The following ADIPOR2 variants were observed in gnomAD, a reference collection of about 807,000 sequenced individuals.
ADIPOR2 encodes adiponectin receptor 2, also known as adiponectin receptor protein 2.
In ADIPOR2, 18 loss-of-function variants were observed where a neutral mutation model predicts 40.9. The observed-to-expected ratio is 0.44, with a 90% CI of 0.30 to 0.65. ADIPOR2 has a LOEUF of 0.65. Ranked by LOEUF, ADIPOR2 falls within the 30% of genes least tolerant of loss-of-function variation. The pLI is 0.09. For missense variants in ADIPOR2, 283 were observed against 479.2 expected, an observed-to-expected ratio of 0.59 and a Z score of 3.82; for synonymous variants, 165 against 166.4, an observed-to-expected ratio of 0.99 and a Z score of 0.06.
chr12:1,757,658 T>C, intron 2 of ADIPOR2: 1 of 1,291,784 alleles, frequency 7.7e-7, no homozygotes, highest in Non-Finnish European at 1.1e-6. Flanking sequence ...ACTTTGTATT[T>C]GGCCTCCTCA....
intron 1 of ADIPOR2, among the ~76,000 whole-genome samples, chr12:1,711,719 CCTCT>C (rs1272975482): frequency 6.6e-6 from 1 of 151,022 alleles, no homozygotes; most frequent in Non-Finnish European, 1.5e-5. Flanking sequence ...TCTGTCTCTT[CCTCT>C]CTCTCTCTTT....
chr12:1,746,632 T>G (rs185807205), intron 1 of ADIPOR2, among the ~76,000 whole-genome samples: 1 of 152,286 alleles, frequency 6.6e-6, no homozygotes, highest in Non-Finnish European at 1.5e-5. Context: ...GAAGCAAATA[T>G]TGACCTCATT....
At chr12:1,693,459 T>C (rs11061919) in intron 1 of ADIPOR2, among the ~76,000 whole-genome samples, 48,242 of 151,844 alleles carry the variant, frequency 0.32, 8,269 homozygotes, top group East Asian at 0.5. Context: ...ATTATAGAAT[T>C]TGTTGGTGAT....
intron 1 of ADIPOR2, among the ~76,000 whole-genome samples, chr12:1,729,346 A>G (rs185571311): frequency 3.6e-4 from 54 of 152,084 alleles, no homozygotes; most frequent in Non-Finnish European, 2.9e-5. Context: ...TAAAGAATAT[A>G]GTTTAAAAAT....
intron 1 of ADIPOR2, among the ~76,000 whole-genome samples, chr12:1,738,523 A>G (rs961300997): frequency 1.3e-5 from 2 of 152,094 alleles, no homozygotes; most frequent in African/African-American, 2.4e-5. Flanking sequence ...CCTTCTTCCT[A>G]TTTTTTTCTT....
At chr12:1,784,190 C>T (rs548795566) in intron 7 of ADIPOR2, 117 bp downstream of exon 7, 4 of 1,128,588 alleles carry the variant, frequency 3.5e-6, no homozygotes, top group South Asian at 3.9e-5. Context: ...GTATCCTGGT[C>T]CTAACTCCCT....
At chr12:1,779,184 T>A (rs369619924) in intron 4 of ADIPOR2, among the ~76,000 whole-genome samples, 1 of 152,206 alleles carries the variant, frequency 6.6e-6, no homozygotes, top group Non-Finnish European at 1.5e-5. Context: ...TTACCCAAGA[T>A]GACTGAAAAC....
intron 3 of ADIPOR2, among the ~76,000 whole-genome samples, chr12:1,773,578 T>C (rs888928901): frequency 1.4e-5 from 2 of 145,176 alleles, no homozygotes; most frequent in African/African-American, 5.1e-5. Flanking sequence ...TTAGAGAAAA[T>C]AGACACACTG....
chr12:1,737,571 C>T lies in ADIPOR2; in HGVS notation c.-86-16687C>T, dbSNP rs377052834. ...TGTTTGCTAATCTTCCTGTAGTTGT[C>T]ACACAGACTGACTGTTTATATATTT... On this transcript the variant is annotated intron_variant, in intron 1 of 7. Transcript: ENST00000357103. Among the ~76,000 whole-genome samples the T allele has an allele frequency of 4.6e-5, 7 of 152,092 alleles. No individual in the cohort carries two copies. The South Asian group carries it at 8.3e-4, about 18-fold the overall frequency.
At chr12:1,756,927 G>C (rs1489539269) in intron 2 of ADIPOR2, among the ~76,000 whole-genome samples, 1 of 152,202 alleles carries the variant, frequency 6.6e-6, no homozygotes, top group East Asian at 1.9e-4. Flanking sequence ...CAAGAGGGAA[G>C]AGCGGGTTTA....
chr12:1,728,856 G>A (rs1383229146), intron 1 of ADIPOR2, among the ~76,000 whole-genome samples: 1 of 151,694 alleles, frequency 6.6e-6, no homozygotes, highest in Non-Finnish European at 1.5e-5. Flanking sequence ...TACAGATATT[G>A]ATAGTCTGGT....
intron 1 of ADIPOR2, among the ~76,000 whole-genome samples, chr12:1,745,939 C>G (rs887424073): frequency 4.0e-5 from 6 of 151,458 alleles, no homozygotes; most frequent in African/African-American, 1.5e-4. Context: ...TTTTGAAGAT[C>G]CCTTGTACCT....
chr12:1,695,663 C>CAA (rs34987467), intron 1 of ADIPOR2, among the ~76,000 whole-genome samples: 49,711 of 108,592 alleles, frequency 0.46, 12,142 homozygotes, highest in East Asian at 0.57. Flanking sequence ...AACTCCATCT[C>CAA]AAAAAAAAAA....
intron 1 of ADIPOR2, among the ~76,000 whole-genome samples, chr12:1,729,769 A>C (rs1039253172): frequency 2.0e-5 from 3 of 151,526 alleles, no homozygotes; most frequent in East Asian, 3.9e-4. Context: ...TTTACTTTCT[A>C]TCTCTTTTGT....
chr12:1,762,710 A>G (rs1862295375), intron 2 of ADIPOR2, among the ~76,000 whole-genome samples: 1 of 152,150 alleles, frequency 6.6e-6, no homozygotes, highest in Non-Finnish European at 1.5e-5. Flanking sequence ...TCATTTGAAT[A>G]TGTTATTCGT....
intron 1 of ADIPOR2, among the ~76,000 whole-genome samples, chr12:1,734,180 C>T (rs1346663061): frequency 2.0e-5 from 3 of 152,148 alleles, no homozygotes; most frequent in Non-Finnish European, 2.9e-5. Context: ...CTTGAGGAAT[C>T]GCCACACTGA....
chr12:1,752,126 T>A (rs1379395944), intron 1 of ADIPOR2, among the ~76,000 whole-genome samples: 6 of 151,600 alleles, frequency 4.0e-5, no homozygotes, highest in Non-Finnish European at 7.4e-5. Flanking sequence ...GTAGAGGGTT[T>A]CACCATGTTG....
intron 2 of ADIPOR2, among the ~76,000 whole-genome samples, chr12:1,764,937 A>G (rs1264153895): frequency 6.6e-6 from 1 of 152,100 alleles, no homozygotes; most frequent in Non-Finnish European, 1.5e-5. Flanking sequence ...TTTTATTTAT[A>G]TGAAGGCAAT....
chr12:1,710,002 C>T (rs749201591), intron 1 of ADIPOR2, among the ~76,000 whole-genome samples: 1 of 152,150 alleles, frequency 6.6e-6, no homozygotes, highest in African/African-American at 2.4e-5. Context: ...TGTTCTCACA[C>T]AGTTTTCTGT....
Sources: allele counts gnomAD v4.1 joint callset (sites outside exome capture counted in the v4.1 genomes callset), GRCh38; gene constraint gnomAD v4.1.1; transcripts MANE v1.5; gene names NCBI Gene and HGNC (gene_info 2026-07-23, HGNC 2026-07-21).